The following BDNF variants were observed in gnomAD, a reference collection of about 807,000 sequenced individuals.
The protein encoded by BDNF is neurotrophic factor BDNF precursor form.
BDNF carries 1 observed loss-of-function variant against 19.5 expected under a neutral mutation model. The ratio of observed to expected loss-of-function variants is 0.05; its 90% CI spans 0.02 to 0.24. The LOEUF is 0.24. BDNF is among the 10% of genes least tolerant of loss of function. The pLI, the probability that BDNF is intolerant of heterozygous loss-of-function variation, is 1.00. For synonymous variants in BDNF, 100 were observed against 121.6 expected (o/e 0.82, Z 1.17); for missense variants, 195 against 317.6 (o/e 0.61, Z 2.93).
intron 1 of BDNF, among the ~76,000 whole-genome samples, chr11:27,706,977 G>A (rs942687235): frequency 2.0e-5 from 3 of 152,134 alleles, no homozygotes; most frequent in African/African-American, 7.2e-5. Context: ...AGAAACAGTG[G>A]CTTTTCTGTA....
upstream of BDNF, chr11:27,700,551 C>A: frequency 1.1e-6 from 1 of 922,540 alleles, no homozygotes; most frequent in Non-Finnish European, 1.3e-6. Flanking sequence ...GCCCCCCGCT[C>A]CCCGCTCGCC....
chr11:27,658,212 T>A lies in BDNF; in HGVS notation c.353A>T (p.Asp118Val). Residue 118 changes from aspartate (D) to valine (V), a missense_variant, in exon 2 of 2, where the codon GAT (aspartate) becomes GTT (valine). By Grantham distance (152) the Asp-to-Val change is radical (BLOSUM62 -3). This residue lies in a region of BDNF where 124 missense variants were observed against 155.0 expected (regional missense o/e 0.80). Coordinates refer to ENST00000356660, the MANE Select transcript of BDNF (RefSeq NM_001709.5). This position sits in a 1 kb window ranked among gnomAD's most constrained non-coding sequence, Gnocchi z 5.7. Reference sequence around the variant, plus strand: ...GACCCTCATGGACATGTTTGCAGCATCTAGGTAATTTTTGTATTCCTCCAG... The same window carrying A: ...GACCCTCATGGACATGTTTGCAGCAACTAGGTAATTTTTGTATTCCTCCAG... ...FLLEEYKNYL[D>V]AANMSMRVRR... is the part of the protein sequence containing the mutation. The A allele has an allele frequency of 6.2e-7, 1 of 1,613,972 alleles. No homozygotes were observed. Among genetic ancestry groups the A allele is most frequent in the Non-Finnish European group, 8.5e-7 (1 of 1,180,012 alleles).
chr11:27,708,202 T>C (rs1452796108), intron 1 of BDNF, among the ~76,000 whole-genome samples: 1 of 152,226 alleles, frequency 6.6e-6, no homozygotes, highest in Non-Finnish European at 1.5e-5. Context: ...TAGCTTTGCA[T>C]TGTTTGTCCC....
upstream of BDNF, among the ~76,000 whole-genome samples, chr11:27,703,187 C>T (rs542173510): frequency 1.3e-5 from 2 of 152,106 alleles, no homozygotes; most frequent in Non-Finnish European, 2.9e-5. Flanking sequence ...AAGCTGGATA[C>T]CGCTACCCCA....
chr11:27,692,102 G>T (rs1858375640), intron 1 of BDNF, among the ~76,000 whole-genome samples: 1 of 152,068 alleles, frequency 6.6e-6, no homozygotes, highest in Non-Finnish European at 1.5e-5. Context: ...GCAAAGAAAT[G>T]GGAGGGATTT....
chr11:27,703,857 A>G (rs1376651227), upstream of BDNF, among the ~76,000 whole-genome samples: 1 of 152,234 alleles, frequency 6.6e-6, no homozygotes, highest in Non-Finnish European at 1.5e-5. Flanking sequence ...ACTGTATGCG[A>G]CCAGCTTAAA....
At chr11:27,715,909 T>C (rs751031079) in intron 1 of BDNF, among the ~76,000 whole-genome samples, 3 of 152,144 alleles carry the variant, frequency 2.0e-5, no homozygotes, top group Non-Finnish European at 2.9e-5. Context: ...TACTAGGAAA[T>C]ACAAATAAAG....
At chr11:27,710,187 C>G (rs1349828660) in intron 1 of BDNF, among the ~76,000 whole-genome samples, 1 of 152,180 alleles carries the variant, frequency 6.6e-6, no homozygotes, top group Non-Finnish European at 1.5e-5. Flanking sequence ...GATGAAGTCT[C>G]TTCATAGACT....
At chr11:27,696,243 G>C (rs764087529) in intron 1 of BDNF, 1 of 152,250 alleles carries the variant, frequency 6.6e-6, no homozygotes, top group Non-Finnish European at 1.5e-5. Flanking sequence ...ACATGACTAA[G>C]CCTACAAATA....
intron 1 of BDNF, among the ~76,000 whole-genome samples, chr11:27,669,493 T>C (rs1564955304): frequency 1.3e-5 from 2 of 152,218 alleles, no homozygotes; most frequent in Non-Finnish European, 2.9e-5. Flanking sequence ...GACATGATTG[T>C]ATATTTAGAA....
chr11:27,719,670 A>T, intron 1 of BDNF: 1 of 981,894 alleles, frequency 1.0e-6, no homozygotes, highest in South Asian at 4.8e-5. Flanking sequence ...AGAAGCATCC[A>T]GCGAGGAGCG....
intron 1 of BDNF, among the ~76,000 whole-genome samples, chr11:27,696,797 A>C (rs1214734130): frequency 6.6e-6 from 1 of 152,208 alleles, no homozygotes; most frequent in Non-Finnish European, 1.5e-5. Context: ...ACACAGGGAG[A>C]TGCAAGTTGA....
intron 1 of BDNF, among the ~76,000 whole-genome samples, chr11:27,709,082 G>C (rs1021648409): frequency 1.3e-5 from 2 of 152,108 alleles, no homozygotes; most frequent in South Asian, 4.1e-4. Flanking sequence ...ACCCGCCTCA[G>C]CCTCCCAAAG....
At position 27,674,767 on chromosome 11, in the gene BDNF, A is replaced by G. The variant is rs1016359509; in HGVS notation, c.-21-16182T>C. The stretch of plus-strand genomic sequence containing the variant: ...CTATAGAAGACATGCAAACTCAAAT[A>G]CCAACATATTTCATCTAAGCATAGG... On this transcript the variant is annotated intron_variant, in intron 1 of 1. Coordinates refer to ENST00000356660, the MANE Select transcript of BDNF (RefSeq NM_001709.5). 3 of 973,668 alleles carry G rather than the reference A, an allele frequency of 3.1e-6. No individual in the cohort carries two copies. The African/African-American group carries it at 5.3e-5, about 17-fold the overall frequency. 60.3% of individuals were successfully genotyped at this position (973,668 alleles called of 1,614,324 possible).
Position 27,700,234 on chromosome 11 carries a change from C to A in BDNF, c.-92G>T, listed in dbSNP as rs907159052. On this transcript the variant is annotated 5_prime_UTR_variant, in exon 1 of 2. Coordinates refer to ENST00000356660, the MANE Select transcript of BDNF (RefSeq NM_001709.5). ...ATCGTGGTTCCGATTCTGGCTCCAG[C>A]GCCCAGCCCCGGTCCCCGTCGCGGT... 3 of 985,616 alleles carry A rather than the reference C, an allele frequency of 3.0e-6. No homozygotes were observed. Among genetic ancestry groups the A allele is most frequent in the Non-Finnish European group, 3.6e-6 (3 of 830,140 alleles). The allele number at this position is 985,616 out of a possible 1,614,324, so 61.1% of individuals were successfully genotyped here. A position where few individuals can be genotyped will look rare whatever the true frequency, so the allele number is the denominator to read the frequency against.
chr11:27,701,604 G>A (rs1859899177), upstream of BDNF: 20 of 986,842 alleles, frequency 2.0e-5, no homozygotes, highest in Non-Finnish European at 2.4e-5. Flanking sequence ...AGCGAGAGCA[G>A]CCCTCTCCGC....
intron 1 of BDNF, among the ~76,000 whole-genome samples, chr11:27,692,393 G>A (rs1315621966): frequency 6.6e-6 from 1 of 152,118 alleles, no homozygotes; most frequent in Non-Finnish European, 1.5e-5. Context: ...CCAGGCTGAA[G>A]AGCAGTGGGA....
Position 27,700,186 on chromosome 11 carries a change from C to T in BDNF, c.-44G>A. The T allele has an allele frequency of 1.0e-6, 1 of 985,778 alleles. No individual in the cohort carries two copies. Among genetic ancestry groups the T allele is most frequent in the Non-Finnish European group, 1.2e-6 (1 of 830,218 alleles). 61.1% of individuals were successfully genotyped at this position (985,778 alleles called of 1,614,324 possible). ...TACCTCGGGGTCCACACAAACCTCA[C>T]GGGTCCCCGGCGGCGGAGTCACATC... On this transcript the variant is annotated 5_prime_UTR_variant, in exon 1 of 2. In the 5' UTR this introduces an upstream ATG that the reference lacks. Coordinates refer to ENST00000356660, the MANE Select transcript of BDNF (RefSeq NM_001709.5).
intron 1 of BDNF, among the ~76,000 whole-genome samples, chr11:27,686,249 G>A (rs1213522163): frequency 3.9e-5 from 6 of 151,992 alleles, no homozygotes; most frequent in Non-Finnish European, 8.8e-5. Flanking sequence ...CATTTGCTTG[G>A]TAGATCTTCC....
Sources: gnomAD v4.1 joint callset for allele counts (sites outside exome capture counted in the v4.1 genomes callset) on GRCh38, gnomAD v4.1.1 for gene constraint, gnomAD v4.1.1 regional missense constraint, Gnocchi (gnomAD v3.1) non-coding constraint, MANE v1.5 for transcripts, NCBI Gene and HGNC (gene_info 2026-07-23, HGNC 2026-07-21) for gene names.